RHPN2: variants seen among roughly 807,000 people sequenced by gnomAD.
RHPN2 encodes rhophilin-2.
In RHPN2, 40 loss-of-function variants were observed where a neutral mutation model predicts 79.0. That is an observed-to-expected ratio of 0.51 (90% CI 0.39 to 0.66). RHPN2 has a LOEUF of 0.66. RHPN2 is among the 30% of genes least tolerant of loss of function. The pLI is 0.00. For synonymous variants in RHPN2, 285 were observed against 363.5 expected (o/e 0.78, Z 2.46); for missense variants, 686 against 883.5 (o/e 0.78, Z 2.83).
intron 7 of RHPN2, among the ~76,000 whole-genome samples, chr19:33,005,940 C>G (rs1170100077): frequency 6.6e-6 from 1 of 152,114 alleles, no homozygotes; most frequent in Non-Finnish European, 1.5e-5. Context: ...GTCGCCCAAG[C>G]TGGAGTGCAA....
intron 2 of RHPN2, among the ~76,000 whole-genome samples, chr19:33,028,224 A>T (rs1971983604): frequency 6.8e-6 from 1 of 147,780 alleles, no homozygotes; most frequent in African/African-American, 2.5e-5. Context: ...TGTCACCATT[A>T]TGGCTTACTA....
chr19:32,999,736 C>T (rs748938729), intron 9 of RHPN2, 31 bp from the exon 10 acceptor site: 1 of 1,606,020 alleles, frequency 6.2e-7, no homozygotes, highest in African/African-American at 1.3e-5. Flanking sequence ...TAAATCCCCT[C>T]TCATGGACCT....
At chr19:33,034,906 C>G (rs993417110) in intron 2 of RHPN2, among the ~76,000 whole-genome samples, 3 of 151,920 alleles carry the variant, frequency 2.0e-5, no homozygotes, top group Non-Finnish European at 4.4e-5. Context: ...CAAGACCAGC[C>G]GAAGCAACAT....
At chr19:32,985,144 G>T (rs1326555629) in intron 14 of RHPN2, among the ~76,000 whole-genome samples, 1 of 151,766 alleles carries the variant, frequency 6.6e-6, no homozygotes, top group Non-Finnish European at 1.5e-5. Flanking sequence ...GATTACAGGC[G>T]CCCGCCACCA....
intron 1 of RHPN2, among the ~76,000 whole-genome samples, chr19:33,060,034 C>T (rs577817378): frequency 2.6e-5 from 4 of 152,352 alleles, no homozygotes; most frequent in African/African-American, 9.6e-5. Context: ...GGGCTCTCTG[C>T]TGGGACCGCC....
chr19:33,013,719 G>A (rs934760755), intron 4 of RHPN2, among the ~76,000 whole-genome samples: 1 of 152,002 alleles, frequency 6.6e-6, no homozygotes, highest in Non-Finnish European at 1.5e-5. Flanking sequence ...GCTCAGACTT[G>A]CAATTCTGGG....
chr19:33,031,420 C>G (rs952838720), intron 2 of RHPN2, among the ~76,000 whole-genome samples: 1 of 151,908 alleles, frequency 6.6e-6, no homozygotes, highest in African/African-American at 2.4e-5. Flanking sequence ...CCACCACACC[C>G]GGCTAATTTT....
intron 2 of RHPN2, among the ~76,000 whole-genome samples, chr19:33,042,394 T>C (rs1972107677): frequency 6.6e-6 from 1 of 152,106 alleles, no homozygotes; most frequent in South Asian, 2.1e-4. Context: ...ATCGGGGGCC[T>C]CTCTCACGTC....
At chr19:32,997,096 GCT>G (rs1204625209) in intron 10 of RHPN2, among the ~76,000 whole-genome samples, 1 of 152,066 alleles carries the variant, frequency 6.6e-6, no homozygotes, top group Non-Finnish European at 1.5e-5. Context: ...CATTATCATT[GCT>G]ATGTTGCCCA....
intron 7 of RHPN2, among the ~76,000 whole-genome samples, chr19:33,007,307 C>T (rs1455629161): frequency 9.2e-5 from 14 of 151,904 alleles, no homozygotes; most frequent in Middle Eastern, 3.4e-3. Context: ...GCCAGCATGG[C>T]GAAACCCCAT....
intron 3 of RHPN2, 133 bp from the exon 4 acceptor site, chr19:33,021,779 A>T (rs1971926382): frequency 1.4e-6 from 1 of 705,206 alleles, no homozygotes; most frequent in Non-Finnish European, 2.6e-6. Context: ...CCTGGCTGAC[A>T]GGCTCATTTT....
At chr19:33,022,689 T>C (rs1194556632) in intron 3 of RHPN2, among the ~76,000 whole-genome samples, 1 of 152,266 alleles carries the variant, frequency 6.6e-6, no homozygotes, top group South Asian at 2.1e-4. Flanking sequence ...TCAGGCTGTG[T>C]TTTGCAAACA....
At position 32,998,835 on chromosome 19, in the gene RHPN2, G is replaced by C. The variant is rs1971724989; in HGVS notation, c.1225+751C>G. Among the ~76,000 whole-genome samples, 3 of 138,424 alleles carry C rather than the reference G, an allele frequency of 2.2e-5. No individual in the cohort carries two copies. In the South Asian group the frequency reaches 7.7e-4, roughly 36 times the overall value. The allele number at this position is 138,424 out of a possible 152,430, so 90.8% of individuals were successfully genotyped here. On this transcript the variant is annotated intron_variant, in intron 10 of 14. Transcript: ENST00000254260. ...AGGGGAGAGGGGAAGGGTGAGGGGA[G>C]GAGAGGAAGGAGGGGAGGGAGAGGG...
At chr19:33,033,991 T>C (rs1173934300) in intron 2 of RHPN2, among the ~76,000 whole-genome samples, 1 of 149,576 alleles carries the variant, frequency 6.7e-6, no homozygotes, top group African/African-American at 2.5e-5. Context: ...ATATATAAAT[T>C]TGCCATGTCT....
chr19:33,010,005 C>T (rs1021397797), intron 6 of RHPN2, among the ~76,000 whole-genome samples: 2 of 152,066 alleles, frequency 1.3e-5, no homozygotes, highest in Non-Finnish European at 2.9e-5. Context: ...TCTTGAACTC[C>T]TGACCTCAGG....
At chr19:33,023,465 A>G (rs1248443515) in intron 3 of RHPN2, among the ~76,000 whole-genome samples, 1 of 149,574 alleles carries the variant, frequency 6.7e-6, no homozygotes, top group Non-Finnish European at 1.5e-5. Context: ...AAAAAAAAAG[A>G]TCAACCATGC....
At position 32,979,997 on chromosome 19, in the gene RHPN2, T is replaced by C; in HGVS notation, c.2060A>G (p.Ter687=). Residue 687 remains the stop codon, a stop_retained_variant, in exon 15 of 15, where the codon TAA becomes TGA. Coordinates refer to ENST00000254260, the MANE Select transcript of RHPN2 (RefSeq NM_033103.5). ...SLLNSDSSWY[*] Reference sequence around the variant, plus strand: ...CCTGAACATGTTTGTTTCCTCACATTAGTACCAAGAACTGTCTGAGTTGAG... The same window carrying C: ...CCTGAACATGTTTGTTTCCTCACATCAGTACCAAGAACTGTCTGAGTTGAG... 1 of 1,613,898 alleles carries C rather than the reference T, an allele frequency of 6.2e-7. No homozygotes were observed. Among genetic ancestry groups the C allele is most frequent in the Non-Finnish European group, 8.5e-7 (1 of 1,179,840 alleles).
intron 1 of RHPN2, among the ~76,000 whole-genome samples, chr19:33,060,816 G>A (rs970501755): frequency 6.6e-6 from 1 of 152,072 alleles, no homozygotes; most frequent in Non-Finnish European, 1.5e-5. Flanking sequence ...ACAGGTGTGA[G>A]GCACTGCACC....
chr19:32,995,329 G>A lies in RHPN2; in HGVS notation c.1420+697C>T, dbSNP rs111901939. ...TGAGCTCAAGTAATCCTCCTGCCTC[G>A]GCCTCCCAAAGTGCTGAGATTACAG... On this transcript the variant is annotated intron_variant, in intron 11 of 14. Transcript: ENST00000254260. Among the ~76,000 whole-genome samples the A allele has an allele frequency of 6.3e-3, 950 of 151,432 alleles. 12 individuals carry two copies. Among genetic ancestry groups the A allele is most frequent in the African/African-American group, 0.021 (885 of 41,262 alleles).
Sources: gnomAD v4.1 joint callset for allele counts (sites outside exome capture counted in the v4.1 genomes callset) on GRCh38, gnomAD v4.1.1 for gene constraint, MANE v1.5 for transcripts, NCBI Gene and HGNC (gene_info 2026-07-23, HGNC 2026-07-21) for gene names.